The following MB21D2 variants were observed in gnomAD, a reference collection of about 807,000 sequenced individuals.
MB21D2 encodes nucleotidyltransferase MB21D2.
A neutral mutation model predicts 33.3 loss-of-function variants in MB21D2; 9 were observed. That is an observed-to-expected ratio of 0.27 (90% CI 0.16 to 0.47). The LOEUF is 0.47. Among genes scored for constraint, MB21D2 ranks in the 20% least tolerant of loss-of-function variants. MB21D2 has a pLI of 0.99. For synonymous variants in MB21D2, 241 were observed against 236.3 expected (o/e 1.02, Z -0.18); for missense variants, 540 against 624.6 (o/e 0.86, Z 1.44).
chr3:192,853,403 A>G (rs1475322650), intron 1 of MB21D2, among the ~76,000 whole-genome samples: 1 of 152,238 alleles, frequency 6.6e-6, no homozygotes, highest in East Asian at 1.9e-4. Context: ...CTGGACACCT[A>G]TGCAGTTTCA....
chr3:192,806,500 G>A (rs553430477), intron 1 of MB21D2, among the ~76,000 whole-genome samples: 2 of 152,204 alleles, frequency 1.3e-5, no homozygotes, highest in East Asian at 1.9e-4. Flanking sequence ...CAACCGTGAA[G>A]CATCTGGCAC....
intron 1 of MB21D2, among the ~76,000 whole-genome samples, chr3:192,897,364 G>T (rs1223464431): frequency 6.6e-6 from 1 of 152,134 alleles, no homozygotes. Flanking sequence ...AGCCTCTGTG[G>T]AGACTGACAG....
At position 192,909,218 on chromosome 3, in the gene MB21D2, T is replaced by C. The variant is rs560307203; in HGVS notation, c.211+8412A>G. 3.3e-3 allele frequency among the ~76,000 whole-genome samples: 496 copies of C among 149,942 alleles called. 1 individual carries two copies. Among genetic ancestry groups the C allele is most frequent in the African/African-American group, 0.011 (463 of 40,644 alleles). ...TTGCAGTGAGCCGAGATCGCACCAC[T>C]GCACTCCAGCCTGGGTGACAGAGCG... On this transcript the variant is annotated intron_variant, in intron 1 of 1. Coordinates refer to ENST00000392452, the MANE Select transcript of MB21D2 (RefSeq NM_178496.4).
intron 1 of MB21D2, among the ~76,000 whole-genome samples, chr3:192,911,677 T>C (rs746774950): frequency 8.3e-6 from 1 of 119,816 alleles, no homozygotes; most frequent in Non-Finnish European, 2.1e-5. Context: ...ATGAGTGGCA[T>C]GACAAGGAAT....
At chr3:192,900,846 C>T (rs1213393567) in intron 1 of MB21D2, among the ~76,000 whole-genome samples, 1 of 151,692 alleles carries the variant, frequency 6.6e-6, no homozygotes, top group African/African-American at 2.4e-5. Context: ...GAGGCTGAGG[C>T]AGGAGAATCA....
intron 1 of MB21D2, among the ~76,000 whole-genome samples, chr3:192,823,159 T>A (rs1712096406): frequency 6.6e-6 from 1 of 152,244 alleles, no homozygotes. Context: ...ATGTTCTAGT[T>A]TATTTACAGG....
At chr3:192,917,339 G>A (rs999063906) in intron 1 of MB21D2, among the ~76,000 whole-genome samples, 1 of 152,208 alleles carries the variant, frequency 6.6e-6, no homozygotes, top group East Asian at 1.9e-4. Context: ...ACGCTTCACC[G>A]CGAACGCCTC....
intron 1 of MB21D2, among the ~76,000 whole-genome samples, chr3:192,916,756 GT>G (rs1244629451): frequency 6.6e-6 from 1 of 152,176 alleles, no homozygotes; most frequent in African/African-American, 2.4e-5. Context: ...ATTCAATCAT[GT>G]TTCAGGAGCC....
Position 192,913,799 on chromosome 3 carries a change from T to G in MB21D2, c.211+3831A>C, listed in dbSNP as rs1018372842. 4.0e-5 allele frequency among the ~76,000 whole-genome samples: 6 copies of G among 151,836 alleles called. No individual in the cohort carries two copies. In the East Asian group the frequency reaches 1.2e-3, roughly 29 times the overall value. ...GTGAGCCATGATCATACTATTGCACTCCAGGCTGGGCAACGGAGCAAGATC... is the reference window on the plus strand; with the variant it reads ...GTGAGCCATGATCATACTATTGCACGCCAGGCTGGGCAACGGAGCAAGATC... On this transcript the variant is annotated intron_variant, in intron 1 of 1. Transcript: ENST00000392452.
At chr3:192,904,903 G>C (rs1225110347) in intron 1 of MB21D2, among the ~76,000 whole-genome samples, 2 of 152,234 alleles carry the variant, frequency 1.3e-5, no homozygotes, top group African/African-American at 2.4e-5. Context: ...GGGCTCCGCA[G>C]CTCTGACCTA....
At position 192,884,571 on chromosome 3, in the gene MB21D2, G is replaced by T. The variant is rs552055763; in HGVS notation, c.211+33059C>A. Among the ~76,000 whole-genome samples, 10 of 152,086 alleles carry T rather than the reference G, an allele frequency of 6.6e-5. No homozygotes were observed. The South Asian group carries it at 1.7e-3, about 25-fold the overall frequency. ...TTTAGTAGAGACGGGGTTTCACCGT[G>T]TTAGCCAGGATGGTCTTGATCTCCT... On this transcript the variant is annotated intron_variant, in intron 1 of 1. Transcript: ENST00000392452.
intron 1 of MB21D2, among the ~76,000 whole-genome samples, chr3:192,868,979 A>C (rs1713228914): frequency 6.6e-6 from 1 of 152,200 alleles, no homozygotes; most frequent in African/African-American, 2.4e-5. Context: ...GCCACAGACT[A>C]GTTGTTAAAA....
chr3:192,841,312 T>A (rs1435204541), intron 1 of MB21D2, among the ~76,000 whole-genome samples: 1 of 152,176 alleles, frequency 6.6e-6, no homozygotes, highest in African/African-American at 2.4e-5. Flanking sequence ...CACCTTCGGG[T>A]ATTCACACCC....
rs767029827 is a variant in MB21D2, at chr3:192,883,760, C to T, written c.211+33870G>A. ...GTCACCTCCCTCTGAAAGCTAGTTT[C>T]TAGCTCCAAAGATACATAACTATTA... On this transcript the variant is annotated intron_variant, in intron 1 of 1. Coordinates refer to ENST00000392452, the MANE Select transcript of MB21D2 (RefSeq NM_178496.4). Among the ~76,000 whole-genome samples the T allele has an allele frequency of 1.8e-4, 27 of 152,108 alleles. 1 individual carries two copies. Among genetic ancestry groups the T allele is most frequent in the Non-Finnish European group, 2.9e-4 (20 of 68,036 alleles).
At chr3:192,869,963 G>A (rs958002288) in intron 1 of MB21D2, among the ~76,000 whole-genome samples, 6 of 152,174 alleles carry the variant, frequency 3.9e-5, no homozygotes, top group African/African-American at 1.4e-4. Context: ...AAAATAAACT[G>A]CATATCAATA....
chr3:192,811,641 T>C (rs1711789616), intron 1 of MB21D2, among the ~76,000 whole-genome samples: 1 of 152,216 alleles, frequency 6.6e-6, no homozygotes, highest in African/African-American at 2.4e-5. Context: ...TATTTCTTGC[T>C]TTGTTGTTAT....
intron 1 of MB21D2, among the ~76,000 whole-genome samples, chr3:192,878,836 T>A (rs1390656483): frequency 6.6e-6 from 1 of 152,162 alleles, no homozygotes; most frequent in Admixed American, 6.5e-5. Flanking sequence ...TGGTGGTGCA[T>A]GCCTGTAATC....
intron 1 of MB21D2, among the ~76,000 whole-genome samples, chr3:192,899,147 A>T (rs1363144824): frequency 1.3e-5 from 2 of 152,236 alleles, no homozygotes; most frequent in African/African-American, 4.8e-5. Flanking sequence ...CATACAAGAA[A>T]TACATGGTAA....
chr3:192,916,468 A>G (rs946094764), intron 1 of MB21D2, among the ~76,000 whole-genome samples: 7 of 152,182 alleles, frequency 4.6e-5, no homozygotes, highest in African/African-American at 7.2e-5. Context: ...TCCCAATCAA[A>G]TTTTTCAACA....
Sources: allele counts gnomAD v4.1 joint callset (sites outside exome capture counted in the v4.1 genomes callset), GRCh38; gene constraint gnomAD v4.1.1; transcripts MANE v1.5; gene names NCBI Gene and HGNC (gene_info 2026-07-23, HGNC 2026-07-21).